The following PRKG1 variants were observed in gnomAD, a reference collection of about 807,000 sequenced individuals.
PRKG1 encodes the protein cGMP-dependent protein kinase 1.
A neutral mutation model predicts 88.1 loss-of-function variants in PRKG1; 35 were observed. The observed-to-expected ratio is 0.40, with a 90% CI of 0.30 to 0.53. PRKG1 has a LOEUF of 0.53. PRKG1 is among the 20% of genes least tolerant of loss of function. PRKG1 has a pLI of 0.59. For missense variants in PRKG1, 540 were observed against 839.8 expected (o/e 0.64, Z 4.41); for synonymous variants, 303 against 292.5 (o/e 1.04, Z -0.37).
At chr10:52,054,657 A>C (rs1211972325) in intron 6 of PRKG1, 96 bp downstream of exon 6, 6 of 1,022,850 alleles carry the variant, frequency 5.9e-6, no homozygotes, top group Non-Finnish European at 8.9e-6. Flanking sequence ...GTGCTATATG[A>C]GTTTGTTCCA....
At chr10:52,262,347 C>T (rs1182490382) in intron 10 of PRKG1, among the ~76,000 whole-genome samples, 1 of 152,050 alleles carries the variant, frequency 6.6e-6, no homozygotes, top group Non-Finnish European at 1.5e-5. Flanking sequence ...TCTTGGCTCA[C>T]TGCAACCTCT....
rs111953378 is a variant in PRKG1, at chr10:51,877,049, A to G, written c.699-30458A>G. On this transcript the variant is annotated intron_variant, in intron 4 of 17. Transcript: ENST00000373980. Reference sequence around the variant, plus strand: ...TCTGCTTCTGGGAGAACCCCACATAAAACAAAACACTCTGGCAGAGTGTCC... The same window carrying G: ...TCTGCTTCTGGGAGAACCCCACATAGAACAAAACACTCTGGCAGAGTGTCC... Among the ~76,000 whole-genome samples the G allele has an allele frequency of 5.8e-3, 884 of 152,190 alleles. 11 individuals carry two copies. Among genetic ancestry groups the G allele is most frequent in the African/African-American group, 0.02 (845 of 41,526 alleles).
chr10:52,116,256 A>G (rs1847684132), intron 7 of PRKG1, among the ~76,000 whole-genome samples: 1 of 152,164 alleles, frequency 6.6e-6, no homozygotes, highest in African/African-American at 2.4e-5. Context: ...ATTAACACAG[A>G]TAAACAATGT....
intron 2 of PRKG1, among the ~76,000 whole-genome samples, chr10:51,285,190 T>G (rs373773573): frequency 5.5e-4 from 83 of 152,046 alleles, no homozygotes; most frequent in African/African-American, 1.9e-3. Flanking sequence ...ATGATGGTTT[T>G]TTTTAAAAGT....
At chr10:52,088,403 T>C (rs970954549) in intron 7 of PRKG1, among the ~76,000 whole-genome samples, 2 of 151,946 alleles carry the variant, frequency 1.3e-5, no homozygotes, top group African/African-American at 4.8e-5. Context: ...TTAGACTTTC[T>C]TGATGGGTGC....
intron 7 of PRKG1, among the ~76,000 whole-genome samples, chr10:52,094,677 C>T (rs910827213): frequency 1.3e-5 from 2 of 152,136 alleles, no homozygotes; most frequent in Non-Finnish European, 2.9e-5. Flanking sequence ...TCTGGTGAGA[C>T]CTCTCTTCCT....
rs113804801 is a variant in PRKG1, at chr10:52,105,725, G to A, written c.936-28115G>A. On this transcript the variant is annotated intron_variant, in intron 7 of 17. Transcript: ENST00000373980. Reference sequence around the variant, plus strand: ...TTGTACAGATTATTTCATCATCCAGGTATTAAGCTTAGTACTCTTTAGTTA... The same window carrying A: ...TTGTACAGATTATTTCATCATCCAGATATTAAGCTTAGTACTCTTTAGTTA... Among the ~76,000 whole-genome samples the A allele has an allele frequency of 9.5e-3, 1,447 of 152,026 alleles. 21 individuals carry two copies. Among genetic ancestry groups the A allele is most frequent in the African/African-American group, 0.03 (1,225 of 41,446 alleles).
chr10:51,130,598 A>T lies in PRKG1; in HGVS notation c.312-22566A>T, dbSNP rs577805141. Among the ~76,000 whole-genome samples the T allele has an allele frequency of 9.9e-5, 15 of 152,202 alleles. No individual in the cohort carries two copies. In the East Asian group the frequency reaches 2.9e-3, roughly 29 times the overall value. On this transcript the variant is annotated intron_variant, in intron 1 of 17. Coordinates refer to ENST00000373980, the MANE Select transcript of PRKG1 (RefSeq NM_006258.4). Reference sequence around the variant, plus strand: ...TTTTTTATTTTATTTTTTGTCATGCATCACCCACTCAATTTTCTGGTTGAA... The same window carrying T: ...TTTTTTATTTTATTTTTTGTCATGCTTCACCCACTCAATTTTCTGGTTGAA...
At chr10:51,308,086 A>C (rs184100861) in intron 2 of PRKG1, among the ~76,000 whole-genome samples, 137 of 152,340 alleles carry the variant, frequency 9.0e-4, no homozygotes, top group Middle Eastern at 6.8e-3. Context: ...AGGTACATTA[A>C]ATATGTATGT....
At chr10:51,383,209 C>T (rs895913529) in intron 2 of PRKG1, among the ~76,000 whole-genome samples, 12 of 152,004 alleles carry the variant, frequency 7.9e-5, no homozygotes, top group Admixed American at 4.6e-4. Context: ...AGACAATAGA[C>T]AACCAAATAT....
intron 1 of PRKG1, among the ~76,000 whole-genome samples, chr10:50,993,421 A>G (rs137936346): frequency 6.6e-6 from 1 of 152,300 alleles, no homozygotes; most frequent in Admixed American, 6.5e-5. Flanking sequence ...TCCTTTTCTC[A>G]GGACTGCAAA....
Position 51,294,097 on chromosome 10 carries a change from T to G in PRKG1, c.478+140767T>G, listed in dbSNP as rs116753483. On this transcript the variant is annotated intron_variant, in intron 2 of 17. Transcript: ENST00000373980. ...TTTTTTACTTATTGAGTTGTATGAG[T>G]TCTTATGTATTTTGGATATTAATTC... Among the ~76,000 whole-genome samples the G allele has an allele frequency of 3.2e-3, 487 of 152,182 alleles. 5 individuals are homozygous for G. Among genetic ancestry groups the G allele is most frequent in the African/African-American group, 0.011 (468 of 41,544 alleles).
chr10:51,869,848 G>GA (rs1841111362), intron 4 of PRKG1, among the ~76,000 whole-genome samples: 2 of 152,092 alleles, frequency 1.3e-5, no homozygotes, highest in African/African-American at 4.8e-5. Flanking sequence ...GGTAGAGAAT[G>GA]AAAATATGTT....
intron 1 of PRKG1, among the ~76,000 whole-genome samples, chr10:51,056,686 C>A (rs1361911486): frequency 3.3e-5 from 5 of 152,116 alleles, no homozygotes; most frequent in African/African-American, 1.2e-4. Flanking sequence ...GCTACCTTTC[C>A]ATTACCAAGT....
At chr10:51,158,253 G>A (rs555335831) in intron 2 of PRKG1, among the ~76,000 whole-genome samples, 64 of 151,844 alleles carry the variant, frequency 4.2e-4, no homozygotes, top group Non-Finnish European at 8.0e-4. Context: ...TTATCTACAT[G>A]TTAATAAATG....
chr10:51,143,618 T>C (rs533186163), intron 1 of PRKG1, among the ~76,000 whole-genome samples: 1 of 152,152 alleles, frequency 6.6e-6, no homozygotes, highest in South Asian at 2.1e-4. Flanking sequence ...CTTTTCTCCA[T>C]ACCATGTCAA....
intron 3 of PRKG1, among the ~76,000 whole-genome samples, chr10:51,746,080 C>T (rs1837570025): frequency 6.6e-6 from 1 of 152,092 alleles, no homozygotes; most frequent in African/African-American, 2.4e-5. Context: ...GAACTACTGG[C>T]TTTAGGTGAT....
chr10:51,765,551 A>T (rs74362365), intron 3 of PRKG1, among the ~76,000 whole-genome samples: 9,557 of 152,250 alleles, frequency 0.063, 964 homozygotes, highest in African/African-American at 0.22. Flanking sequence ...CCAGAGTTGA[A>T]TTCCTAGTGC....
chr10:52,066,310 CT>C (rs2133276626), intron 7 of PRKG1, among the ~76,000 whole-genome samples: 1 of 152,284 alleles, frequency 6.6e-6, no homozygotes, highest in South Asian at 2.1e-4. Context: ...ATGTCCTCAA[CT>C]GTATTTCATA....
Sources: allele counts gnomAD v4.1 joint callset (sites outside exome capture counted in the v4.1 genomes callset), GRCh38; gene constraint gnomAD v4.1.1; transcripts MANE v1.5; gene names NCBI Gene and HGNC (gene_info 2026-07-23, HGNC 2026-07-21).